Variants in SEMA3B observed in about 807,000 individuals in gnomAD.
SEMA3B encodes semaphorin 3B, also known as semaphorin-3B.
In SEMA3B, 71 loss-of-function variants were observed where a neutral mutation model predicts 77.8. The observed-to-expected ratio is 0.91, with a 90% CI of 0.75 to 1.11. SEMA3B has a LOEUF of 1.11. SEMA3B is among the 50% of genes most tolerant of loss of function. SEMA3B has a pLI of 0.00. For synonymous variants in SEMA3B, 470 were observed against 452.9 expected (o/e 1.04, Z -0.48); for missense variants, 968 against 1,056.8 (o/e 0.92, Z 1.17).
intron 5 of SEMA3B, 35 bp from the exon 6 acceptor site, chr3:50,271,326 T>A (rs782197264): frequency 6.4e-7 from 1 of 1,554,946 alleles, no homozygotes; most frequent in East Asian, 2.4e-5. Flanking sequence ...CCAAGAGCCC[T>A]CCATTTGCCT....
Position 50,270,087 on chromosome 3 carries a change from A to G in SEMA3B, c.110-40A>G. On this transcript the variant is annotated intron_variant, in intron 1 of 16. Transcript: ENST00000616701. This position sits in a 1 kb window ranked among gnomAD's most constrained non-coding sequence, Gnocchi z 4.7. ...CAGGCAGGACCTGGGGGAGGCTTCC[A>G]GCATGGCTGGCGAGTCATCAGCAGT... 1 of 1,495,058 alleles carries G rather than the reference A, an allele frequency of 6.7e-7. No individual in the cohort carries two copies. 92.6% of individuals were successfully genotyped at this position (1,495,058 alleles called of 1,614,324 possible).
intron 6 of SEMA3B, among the ~76,000 whole-genome samples, chr3:50,272,412 T>TA (rs1296731013): frequency 6.6e-6 from 1 of 150,900 alleles, no homozygotes; most frequent in East Asian, 2.0e-4. Context: ...CTGTCTCTAC[T>TA]AAAAAATACA....
At position 50,269,426 on chromosome 3, in the gene SEMA3B, T is replaced by C. The variant is rs587640912; in HGVS notation, c.109+77T>C. ...GTCCCCGTATGGCCAGGGGGCTCTG[T>C]GTTGGCTGTTGCCCCATGTGCGTGC... On this transcript the variant is annotated intron_variant, in intron 1 of 16. Coordinates refer to ENST00000616701, the MANE Select transcript of SEMA3B (RefSeq NM_001290060.2). The surrounding 1 kb of genome is among the most constrained non-coding windows in gnomAD (Gnocchi z 4.0). 9.2e-5 allele frequency: 80 copies of C among 869,052 alleles called. No individual in the cohort carries two copies. In the African/African-American group the frequency reaches 1.2e-3, roughly 13 times the overall value. 53.8% of individuals were successfully genotyped at this position (869,052 alleles called of 1,614,324 possible). A position where few individuals can be genotyped will look rare whatever the true frequency, so the allele number is the denominator to read the frequency against.
rs1553706083 is a variant in SEMA3B, at chr3:50,274,384, A to T, written c.1159A>T (p.Thr387Ser). ...CCAGTGCCCCAGCAAGACCTTTGGC[A>T]CCTTCAGTTCCACCAAGGACTTCCC... ...PGMCPSKTFG[T>S]FSSTKDFPDD... The change falls in exon 11 of 17, where the codon ACC becomes TCC. Residue 387 changes from threonine to serine, a missense_variant. Physicochemically the swap from Thr to Ser is moderately conservative, Grantham distance 58. Transcript: ENST00000616701. The surrounding 1 kb of genome is among the most constrained non-coding windows in gnomAD (Gnocchi z 4.7). The T allele has an allele frequency of 6.7e-7, 1 of 1,483,192 alleles. No individual in the cohort carries two copies. The highest frequency in any genetic ancestry group is 8.9e-7 in the Non-Finnish European group (1 of 1,117,410). The allele number at this position is 1,483,192 out of a possible 1,614,324, so 91.9% of individuals were successfully genotyped here.
chr3:50,272,597 G>C (rs1423465230), intron 6 of SEMA3B, among the ~76,000 whole-genome samples: 3 of 152,056 alleles, frequency 2.0e-5, no homozygotes, highest in Non-Finnish European at 2.9e-5. Context: ...TGTAATCCCA[G>C]CTACTCAGGA....
chr3:50,263,686 G>A (rs1553704188), upstream of SEMA3B, among the ~76,000 whole-genome samples: 1 of 151,910 alleles, frequency 6.6e-6, no homozygotes, highest in Non-Finnish European at 1.5e-5. Context: ...CCTGGGGGAG[G>A]GTAAAGGGGT....
At position 50,275,704 on chromosome 3, in the gene SEMA3B, G is replaced by C. The variant is rs373981644; in HGVS notation, c.1706-1G>C. The C allele has an allele frequency of 3.1e-6, 5 of 1,612,498 alleles. No individual in the cohort carries two copies. The South Asian group carries it at 4.4e-5, about 14-fold the overall frequency. On this transcript the variant is annotated splice_acceptor_variant, in intron 15 of 16. Coordinates refer to ENST00000616701, the MANE Select transcript of SEMA3B (RefSeq NM_001290060.2). LOFTEE classifies it high-confidence loss of function. The surrounding 1 kb of genome is among the most constrained non-coding windows in gnomAD (Gnocchi z 7.5). ...AAATCTGACTTTCTTCTCGCCCCAA[G>C]ACTCGTCTCGTCCCGCGCTGCTGGA...
chr3:50,274,252 C>A lies in SEMA3B; in HGVS notation c.1138-111C>A. On this transcript the variant is annotated intron_variant, in intron 10 of 16. Transcript: ENST00000616701. This position sits in a 1 kb window ranked among gnomAD's most constrained non-coding sequence, Gnocchi z 4.7. ...CTGATCTCCTCTCTAATTCTCAGGGCAGGGTTCTGTCCCCATCCCCCTCCA... is the reference window on the plus strand; with the variant it reads ...CTGATCTCCTCTCTAATTCTCAGGGAAGGGTTCTGTCCCCATCCCCCTCCA... 2 of 1,229,648 alleles carry A rather than the reference C, an allele frequency of 1.6e-6. No individual in the cohort carries two copies. Among genetic ancestry groups the A allele is most frequent in the Non-Finnish European group, 2.3e-6 (2 of 883,064 alleles). 76.2% of individuals were successfully genotyped at this position (1,229,648 alleles called of 1,614,324 possible).
chr3:50,275,169 TTTGTTAGA>T lies in SEMA3B; in HGVS notation c.1491+117_1491+124del. On this transcript the variant is annotated intron_variant, in intron 13 of 16. Coordinates refer to ENST00000616701, the MANE Select transcript of SEMA3B (RefSeq NM_001290060.2). This position sits in a 1 kb window ranked among gnomAD's most constrained non-coding sequence, Gnocchi z 7.5. The stretch of plus-strand genomic sequence containing the variant: ...CCCGGGTTTGAGTACAGGCTCTGGC[TTTGTTAGA>T]CTGTGTGACCTGAGGCGTAAGACCT... 1 of 1,463,000 alleles carries T rather than the reference TTTGTTAGA, an allele frequency of 6.8e-7. No homozygotes were observed. 90.6% of individuals were successfully genotyped at this position (1,463,000 alleles called of 1,614,324 possible). A position where few individuals can be genotyped will look rare whatever the true frequency, so the allele number is the denominator to read the frequency against.
upstream of SEMA3B, among the ~76,000 whole-genome samples, chr3:50,265,944 C>T (rs1553704404): frequency 6.6e-6 from 1 of 152,202 alleles, no homozygotes; most frequent in East Asian, 1.9e-4. Flanking sequence ...GGACAGGGCA[C>T]AGCACTCAAT....
In SEMA3B at chr3:50,274,472, G is replaced by T. The variant is rs1350836480; in HGVS notation, c.1247G>T (p.Gly416Val). 2 of 1,549,922 alleles carry T rather than the reference G, an allele frequency of 1.3e-6. No homozygotes were observed. Among genetic ancestry groups the T allele is most frequent in the African/African-American group, 1.4e-5 (1 of 72,440 alleles). ...PLMYNSVLPT[G>V]GRPLFLQVGA... ...ATGTACAACTCTGTCCTGCCCACTG[G>T]GGGGCGCCCTCTTTTCCTACAAGTT... is the stretch of plus-strand genomic sequence containing the variant. Residue 416 changes from glycine to valine, a missense_variant, in exon 11 of 17, where the codon GGG (glycine) becomes GTG (valine). By Grantham distance (109) the Gly-to-Val change is moderately radical. Transcript: ENST00000616701. This position sits in a 1 kb window ranked among gnomAD's most constrained non-coding sequence, Gnocchi z 4.7.
chr3:50,273,132 T>A lies in SEMA3B; in HGVS notation c.665-166T>A. The A allele has an allele frequency of 9.0e-7, 1 of 1,113,526 alleles. No individual in the cohort carries two copies. Among genetic ancestry groups the A allele is most frequent in the Admixed American group, 3.0e-5 (1 of 33,454 alleles). The allele number at this position is 1,113,526 out of a possible 1,614,324, so 69.0% of individuals were successfully genotyped here. A position where few individuals can be genotyped will look rare whatever the true frequency, so the allele number is the denominator to read the frequency against. ...GCCTCGCAGGCCCTGATCCTTTGGA[T>A]TCGGTCCGCGCAGAGCGCCAACTGG... On this transcript the variant is annotated intron_variant, in intron 6 of 16. Transcript: ENST00000616701. The surrounding 1 kb of genome is among the most constrained non-coding windows in gnomAD (Gnocchi z 6.5).
Position 50,275,313 on chromosome 3 carries a change from C to T in SEMA3B, c.1503C>T (p.Tyr501=), listed in dbSNP as rs1559790524. Residue 501 remains tyrosine, a synonymous_variant, in exon 14 of 17, where the codon TAC becomes TAT. Transcript: ENST00000616701. The surrounding 1 kb of genome is among the most constrained non-coding windows in gnomAD (Gnocchi z 7.5). ...CTCGTGCCCCCTAGCACCAGCTGTACGTAGCCTCGCGGAGCGCGGTGGCCC... is the reference window on the plus strand; with the variant it reads ...CTCGTGCCCCCTAGCACCAGCTGTATGTAGCCTCGCGGAGCGCGGTGGCCC... The part of the protein sequence containing the change: ...MQISSKRHQL[Y]VASRSAVAQI... The T allele has an allele frequency of 2.5e-6, 4 of 1,571,002 alleles. No individual in the cohort carries two copies. Among genetic ancestry groups the T allele is most frequent in the Admixed American group, 1.8e-5 (1 of 55,112 alleles).
chr3:50,271,191 A>G lies in SEMA3B; in HGVS notation c.544+10A>G. The G allele has an allele frequency of 6.4e-7, 1 of 1,562,322 alleles. No individual in the cohort carries two copies. Among genetic ancestry groups the G allele is most frequent in the African/African-American group, 1.4e-5 (1 of 73,728 alleles). On this transcript the variant is annotated intron_variant, in intron 5 of 16. Coordinates refer to ENST00000616701, the MANE Select transcript of SEMA3B (RefSeq NM_001290060.2). ...GCCTCCGTGCTGGTGGGTGAGTCCA[A>G]GGGCTAAGGCCCCAAGAGAACCCCT...
In SEMA3B at chr3:50,273,686, G is replaced by T; in HGVS notation, c.922+40G>T. 1 of 1,602,516 alleles carries T rather than the reference G, an allele frequency of 6.2e-7. No individual in the cohort carries two copies. Among genetic ancestry groups the T allele is most frequent in the Non-Finnish European group, 8.5e-7 (1 of 1,177,792 alleles). On this transcript the variant is annotated intron_variant, in intron 8 of 16. Coordinates refer to ENST00000616701, the MANE Select transcript of SEMA3B (RefSeq NM_001290060.2). The surrounding 1 kb of genome is among the most constrained non-coding windows in gnomAD (Gnocchi z 6.5). The stretch of plus-strand genomic sequence containing the variant: ...GGGTATGGGGTTGGGGAGGGGGGCA[G>T]CGGCGCAGACTCCGGGAGCCCCCGC...
Position 50,276,718 on chromosome 3 carries a change from C to G in SEMA3B, c.*12C>G. The G allele has an allele frequency of 6.7e-7, 1 of 1,483,344 alleles. No individual in the cohort carries two copies. The highest frequency in any genetic ancestry group is 8.9e-7 in the Non-Finnish European group (1 of 1,126,084). 91.9% of individuals were successfully genotyped at this position (1,483,344 alleles called of 1,614,324 possible). A position where few individuals can be genotyped will look rare whatever the true frequency, so the allele number is the denominator to read the frequency against. ...CAACGCACTGGTGACCAGACTGTCC[C>G]CACGCCGGGAACCAAGCAGGAGACG... On this transcript the variant is annotated 3_prime_UTR_variant, in exon 17 of 17. Coordinates refer to ENST00000616701, the MANE Select transcript of SEMA3B (RefSeq NM_001290060.2). The surrounding 1 kb of genome is among the most constrained non-coding windows in gnomAD (Gnocchi z 5.8).
chr3:50,261,708 C>A, the SEMA3B span: 8,125 of 152,282 alleles, frequency 0.053, 1,538 homozygotes, highest in East Asian at 0.6. Flanking sequence ...TGGAAGAAGT[C>A]CCATGTTCCA....
At chr3:50,269,050 G>A (rs1376273542), upstream of SEMA3B, 6 of 594,400 alleles carry the variant, frequency 1.0e-5, no homozygotes, top group Admixed American at 3.0e-5. This position sits in a 1 kb window ranked among gnomAD's most constrained non-coding sequence, Gnocchi z 4.0. Context: ...GGGAGGGTTC[G>A]GAAGTGGAAT....
upstream of SEMA3B, chr3:50,269,016 T>C (rs1575465351): frequency 2.8e-5 from 16 of 581,808 alleles, no homozygotes; most frequent in East Asian, 4.4e-4. This position sits in a 1 kb window ranked among gnomAD's most constrained non-coding sequence, Gnocchi z 4.0. Context: ...TCTGTGATTG[T>C]GGCCAGGCGG....
Sources: allele counts gnomAD v4.1 joint callset (sites outside exome capture counted in the v4.1 genomes callset), GRCh38; gene constraint gnomAD v4.1.1; non-coding constraint Gnocchi (gnomAD v3.1); transcripts MANE v1.5; gene names NCBI Gene and HGNC (gene_info 2026-07-23, HGNC 2026-07-21).